DPYD: variants seen among roughly 807,000 people sequenced by gnomAD.
The protein encoded by DPYD is dihydropyrimidine dehydrogenase [NADP(+)].
A neutral mutation model predicts 116.2 loss-of-function variants in DPYD; 109 were observed. That is an observed-to-expected ratio of 0.94 (90% CI 0.80 to 1.10). DPYD has a LOEUF of 1.10. Ranked by LOEUF, DPYD falls within the 50% of genes least tolerant of loss-of-function variation. The pLI, the probability that DPYD is intolerant of heterozygous loss-of-function variation, is 0.00. For synonymous variants in DPYD, 440 were observed against 432.0 expected (o/e 1.02, Z -0.23); for missense variants, 1,302 against 1,254.5 (o/e 1.04, Z -0.57).
intron 2 of DPYD, among the ~76,000 whole-genome samples, chr1:97,838,588 G>T (rs1669885901): frequency 6.6e-6 from 1 of 152,194 alleles, no homozygotes; most frequent in African/African-American, 2.4e-5. Context: ...GCTCACGCCT[G>T]TAATCCCAGC....
chr1:97,429,665 A>G (rs1234431367), intron 14 of DPYD, among the ~76,000 whole-genome samples: 2 of 152,108 alleles, frequency 1.3e-5, no homozygotes, highest in Non-Finnish European at 2.9e-5. Flanking sequence ...AATTGTGCTG[A>G]GAATTAGTGA....
intron 14 of DPYD, among the ~76,000 whole-genome samples, chr1:97,440,229 A>G (rs1337045706): frequency 6.7e-6 from 1 of 148,960 alleles, no homozygotes; most frequent in African/African-American, 2.5e-5. Flanking sequence ...ACACCATTGC[A>G]CTCCAGTCTG....
At chr1:97,316,846 T>C (rs1315041310) in intron 16 of DPYD, among the ~76,000 whole-genome samples, 1 of 151,890 alleles carries the variant, frequency 6.6e-6, no homozygotes, top group Non-Finnish European at 1.5e-5. Flanking sequence ...TGTCTGTCAC[T>C]TAGGGGCAGC....
intron 18 of DPYD, among the ~76,000 whole-genome samples, chr1:97,255,801 A>G (rs1663415784): frequency 6.6e-6 from 1 of 151,846 alleles, no homozygotes; most frequent in Non-Finnish European, 1.5e-5. Context: ...TTTTACCCCA[A>G]GCAGTTAGCG....
At chr1:97,137,833 T>C (rs957351859) in intron 20 of DPYD, among the ~76,000 whole-genome samples, 3 of 152,138 alleles carry the variant, frequency 2.0e-5, no homozygotes, top group African/African-American at 7.2e-5. Flanking sequence ...GGCTACACAA[T>C]TGTAAAAATG....
intron 5 of DPYD, among the ~76,000 whole-genome samples, chr1:97,702,470 C>T (rs913161664): frequency 6.6e-6 from 1 of 151,492 alleles, no homozygotes; most frequent in African/African-American, 2.4e-5. Flanking sequence ...TTTAACTTTC[C>T]CATGTTAAAA....
chr1:97,532,675 ATGGTCT>A (rs1350844636), intron 12 of DPYD, among the ~76,000 whole-genome samples: 2 of 151,752 alleles, frequency 1.3e-5, no homozygotes, highest in East Asian at 3.9e-4. Context: ...ATAGTCCCTT[ATGGTCT>A]TGCTTTTTAT....
intron 19 of DPYD, among the ~76,000 whole-genome samples, chr1:97,231,551 C>T (rs1487187811): frequency 1.3e-5 from 2 of 152,080 alleles, no homozygotes; most frequent in Non-Finnish European, 2.9e-5. Flanking sequence ...GAGACTTACT[C>T]ACTGTCAGGA....
intron 1 of DPYD, among the ~76,000 whole-genome samples, chr1:97,901,565 A>C (rs1325126336): frequency 6.6e-6 from 1 of 151,754 alleles, no homozygotes; most frequent in Non-Finnish European, 1.5e-5. Flanking sequence ...AAGTAAATAC[A>C]CCTCCCATAT....
At chr1:97,816,291 A>G (rs1476126049) in intron 3 of DPYD, among the ~76,000 whole-genome samples, 2 of 152,068 alleles carry the variant, frequency 1.3e-5, no homozygotes, top group African/African-American at 2.4e-5. Context: ...AAAGAGAAAA[A>G]AAAAAGAAAA....
chr1:97,870,014 C>A (rs1671578758), intron 2 of DPYD, among the ~76,000 whole-genome samples: 1 of 151,856 alleles, frequency 6.6e-6, no homozygotes, highest in African/African-American at 2.4e-5. Flanking sequence ...TCTTCCCCTA[C>A]ATACATTACA....
At position 97,257,452 on chromosome 1, in the gene DPYD, T is replaced by TATATATATATATAGAGAG. The variant is rs375490078; in HGVS notation, c.2300-22459_2300-22458insCTCTCTATATATATATAT. ...ATACATACGTATATATATATATATA[T>TATATATATATATAGAGAG]AGAGAGAGAGAAAGAGAGAGAGAGC... On this transcript the variant is annotated intron_variant, in intron 18 of 22. Coordinates refer to ENST00000370192, the MANE Select transcript of DPYD (RefSeq NM_000110.4). Among the ~76,000 whole-genome samples, 628 of 126,344 alleles carry TATATATATATATAGAGAG rather than the reference T, an allele frequency of 5.0e-3. 5 individuals are homozygous for TATATATATATATAGAGAG. Among genetic ancestry groups the TATATATATATATAGAGAG allele is most frequent in the South Asian group, 0.018 (65 of 3,664 alleles). 82.9% of individuals were successfully genotyped at this position (126,344 alleles called of 152,430 possible).
intron 21 of DPYD, among the ~76,000 whole-genome samples, chr1:97,084,967 A>G (rs2101565327): frequency 6.6e-6 from 1 of 152,314 alleles, no homozygotes; most frequent in East Asian, 1.9e-4. Context: ...ATAATATGGT[A>G]GTAGGCACAT....
At chr1:97,622,363 T>C (rs967358925) in intron 8 of DPYD, among the ~76,000 whole-genome samples, 2 of 151,926 alleles carry the variant, frequency 1.3e-5, no homozygotes, top group African/African-American at 2.4e-5. Context: ...AAAACACATA[T>C]AAATGTCATT....
chr1:97,915,690 A>G (rs1674175969), intron 1 of DPYD, among the ~76,000 whole-genome samples: 1 of 152,194 alleles, frequency 6.6e-6, no homozygotes, highest in Admixed American at 6.5e-5. Flanking sequence ...CTTATTAAAT[A>G]TTTTTAATTA....
At chr1:97,605,733 A>G (rs1655547625) in intron 8 of DPYD, among the ~76,000 whole-genome samples, 1 of 152,074 alleles carries the variant, frequency 6.6e-6, no homozygotes. Context: ...TGGGATATTA[A>G]ATGAGATAAT....
At position 97,120,108 on chromosome 1, in the gene DPYD, C is replaced by T. The variant is rs891329145; in HGVS notation, c.2623-21476G>A. On this transcript the variant is annotated intron_variant, in intron 20 of 22. Transcript: ENST00000370192. ...CTTCTCCTGTGAGCATCCACAAAGA[C>T]GGCTGCATATATTTGCTATTAGCTC... Among the ~76,000 whole-genome samples the T allele has an allele frequency of 2.6e-5, 4 of 152,128 alleles. No individual in the cohort carries two copies. The East Asian group carries it at 5.8e-4, about 22-fold the overall frequency.
intron 12 of DPYD, among the ~76,000 whole-genome samples, chr1:97,530,034 T>A (rs1233622683): frequency 6.6e-6 from 1 of 151,850 alleles, no homozygotes; most frequent in East Asian, 1.9e-4. Context: ...TTTCTATACA[T>A]TTGACTACCT....
At chr1:97,141,735 A>C (rs1184886506) in intron 20 of DPYD, among the ~76,000 whole-genome samples, 2 of 152,180 alleles carry the variant, frequency 1.3e-5, no homozygotes, top group Non-Finnish European at 2.9e-5. Flanking sequence ...GATAAATCCC[A>C]AGTGTCTAGA....
Sources: allele counts gnomAD v4.1 joint callset (sites outside exome capture counted in the v4.1 genomes callset), GRCh38; gene constraint gnomAD v4.1.1; transcripts MANE v1.5; gene names NCBI Gene and HGNC (gene_info 2026-07-23, HGNC 2026-07-21).